MED1: variants seen among roughly 807,000 people sequenced by gnomAD.
MED1 encodes the protein mediator of RNA polymerase II transcription subunit 1.
In MED1, 17 loss-of-function variants were observed where a neutral mutation model predicts 121.3. The observed-to-expected ratio is 0.14, with a 90% CI of 0.10 to 0.21. MED1 has a LOEUF of 0.21. MED1 is among the 10% of genes least tolerant of loss of function. MED1 has a pLI of 1.00. For missense variants in MED1, 1,558 were observed against 1,919.4 expected (o/e 0.81, Z 3.52); for synonymous variants, 661 against 694.4 (o/e 0.95, Z 0.76).
At chr17:39,420,038 T>C in intron 13 of MED1, 120 bp from the exon 14 acceptor site, 1 of 728,946 alleles carries the variant, frequency 1.4e-6, no homozygotes, top group Non-Finnish European at 2.3e-6. Context: ...GTGAATGTTT[T>C]CATCAGCTGA....
At chr17:39,411,453 T>C (rs1229761934) in intron 16 of MED1, among the ~76,000 whole-genome samples, 1 of 151,068 alleles carries the variant, frequency 6.6e-6, no homozygotes, top group Non-Finnish European at 1.5e-5. Flanking sequence ...AAACCCTGTC[T>C]CTACTAAAAA....
intron 13 of MED1, among the ~76,000 whole-genome samples, 184 bp downstream of exon 13, chr17:39,423,143 G>A (rs2048483491): frequency 6.6e-6 from 1 of 152,030 alleles, no homozygotes; most frequent in Non-Finnish European, 1.5e-5. Context: ...GGGATTACAG[G>A]TGTGAGCCAC....
chr17:39,406,561 T>C lies in MED1; in HGVS notation c.*914A>G, dbSNP rs1393454163. The C allele has an allele frequency of 2.4e-6, 1 of 419,228 alleles. No homozygotes were observed. Among genetic ancestry groups the C allele is most frequent in the East Asian group, 1.6e-4 (1 of 6,390 alleles). The allele number at this position is 419,228 out of a possible 1,614,324, so 26.0% of individuals were successfully genotyped here. Reference sequence around the variant, plus strand: ...TACATCCCAACAAGCCACCTTAGCTTTTTTTTTTTTTTTTGAAAGGAAAAT... The same window carrying C: ...TACATCCCAACAAGCCACCTTAGCTCTTTTTTTTTTTTTTGAAAGGAAAAT... On this transcript the variant is annotated 3_prime_UTR_variant, in exon 17 of 17. Coordinates refer to ENST00000300651, the MANE Select transcript of MED1 (RefSeq NM_004774.4).
chr17:39,442,905 CAAAA>C (rs751236293), intron 3 of MED1, among the ~76,000 whole-genome samples: 2 of 17,360 alleles, frequency 1.2e-4, no homozygotes, highest in Non-Finnish European at 2.6e-4. Context: ...AACTCCATCT[CAAAA>C]AAAAAAAAAA....
intron 1 of MED1, among the ~76,000 whole-genome samples, chr17:39,450,361 GA>G (rs1345420666): frequency 6.6e-6 from 1 of 152,188 alleles, no homozygotes; most frequent in Non-Finnish European, 1.5e-5. Context: ...TTACGTGCCA[GA>G]AACTATACAA....
Position 39,427,795 on chromosome 17 carries a change from A to G in MED1, c.650-5T>C. ...ACTTCAGGTTCATTAAATGACCTAT[A>G]AAAAATAAAACTCATAACTGTATCT... On this transcript the variant is annotated splice_region_variant and splice_polypyrimidine_tract_variant and intron_variant, in intron 9 of 16. Coordinates refer to ENST00000300651, the MANE Select transcript of MED1 (RefSeq NM_004774.4). 6.5e-7 allele frequency: 1 copy of G among 1,547,854 alleles called. No homozygotes were observed. Among genetic ancestry groups the G allele is most frequent in the Non-Finnish European group, 8.9e-7 (1 of 1,126,546 alleles).
Position 39,408,104 on chromosome 17 carries a change from C to T in MED1, c.4117G>A (p.Asp1373Asn), listed in dbSNP as rs751590571. 3 of 1,614,180 alleles carry T rather than the reference C, an allele frequency of 1.9e-6. No homozygotes were observed. Among genetic ancestry groups the T allele is most frequent in the Non-Finnish European group, 2.5e-6 (3 of 1,180,046 alleles). Residue 1373 changes from aspartate to asparagine, a missense_variant, in exon 17 of 17, where the codon GAT becomes AAT. Around this residue, in one of 5 missense-constraint regions of MED1, gnomAD observed 264 missense variants for 326.1 expected, o/e 0.81. Transcript: ENST00000300651. The surrounding 1 kb of genome is among the most constrained non-coding windows in gnomAD (Gnocchi z 4.7). Reference sequence around the variant, plus strand: ...GACTCTGAGGTCTTCTTAGAAGAATCCACTGAACTCCCGGAGGTGGAAACC... The same window carrying T: ...GACTCTGAGGTCTTCTTAGAAGAATTCACTGAACTCCCGGAGGTGGAAACC... Reference protein sequence around the residue: ...SKVSTSGSSVDSSKKTSESKN... With the variant: ...SKVSTSGSSVNSSKKTSESKN...
At chr17:39,438,938 G>A (rs1468001855) in intron 6 of MED1, among the ~76,000 whole-genome samples, 1 of 152,166 alleles carries the variant, frequency 6.6e-6, no homozygotes. Flanking sequence ...AATAGAGCAA[G>A]ACTCCATCTC....
rs138671543 is a variant in MED1 at position 39,427,865 on chromosome 17, T to C, written c.650-75A>G. The C allele has an allele frequency of 2.6e-4, 234 of 888,876 alleles. 2 individuals are homozygous for C. The highest frequency in any genetic ancestry group is 2.4e-3 in the Admixed American group (91 of 38,148). The allele number at this position is 888,876 out of a possible 1,614,324, so 55.1% of individuals were successfully genotyped here. A position where few individuals can be genotyped will look rare whatever the true frequency, so the allele number is the denominator to read the frequency against. ...CACAGAAAAACATTAACATTTATTA[T>C]ATAAACCGATATTCAAGAAAGTACT... On this transcript the variant is annotated intron_variant, in intron 9 of 16. Transcript: ENST00000300651.
chr17:39,424,815 A>C, intron 10 of MED1, 77 bp from the exon 11 acceptor site: 4 of 830,742 alleles, frequency 4.8e-6, no homozygotes. Flanking sequence ...TAAGAGGTTA[A>C]TTTTTGCAAT....
intron 11 of MED1, among the ~76,000 whole-genome samples, chr17:39,424,400 G>A (rs1024005323): frequency 4.6e-5 from 7 of 152,240 alleles, no homozygotes; most frequent in African/African-American, 1.4e-4. Context: ...TTAAGCCAGA[G>A]GAATTAGCAC....
intron 1 of MED1, among the ~76,000 whole-genome samples, chr17:39,448,423 T>G (rs1351103478): frequency 6.6e-6 from 1 of 150,868 alleles, no homozygotes; most frequent in Non-Finnish European, 1.5e-5. Context: ...GTGCCTGTAG[T>G]CAGTCCCCAG....
At chr17:39,415,749 G>A (rs1254342416) in intron 14 of MED1, among the ~76,000 whole-genome samples, 5 of 150,530 alleles carry the variant, frequency 3.3e-5, no homozygotes, top group African/African-American at 4.9e-5. Context: ...CCTAGGAGGC[G>A]GAGGTTGTAG....
Position 39,424,683 on chromosome 17 carries a change from C to A in MED1, c.795G>T (p.Val265=), listed in dbSNP as rs146073566. Residue 265 remains valine (V), a synonymous_variant, in exon 11 of 17, where the codon GTG becomes GTT. Coordinates refer to ENST00000300651, the MANE Select transcript of MED1 (RefSeq NM_004774.4). ...ASVTIEGTSA[V]YKLPIAPLIM... ...TTAATGGTGCAATTGGGAGTTTGTA[C>A]ACAGCAGATGTTCCTTCAATTGTCA... The A allele has an allele frequency of 3.8e-5, 61 of 1,611,000 alleles. No individual in the cohort carries two copies. The highest frequency in any genetic ancestry group is 1.6e-4 in the Middle Eastern group (1 of 6,078).
In MED1 at chr17:39,407,752, G is replaced by A. The variant is rs1411822278; in HGVS notation, c.4469C>T (p.Pro1490Leu). ...CTTATGTTTCTCTGTGCTGTATTCT[G>A]GAAGTGGTCGGATACCATCGTCTGA... ...PSSDDGIRPLPEYSTEKHKKH... is the reference protein window; with the variant it reads ...PSSDDGIRPLLEYSTEKHKKH... Residue 1490 changes from proline (P) to leucine (L), a missense_variant, in exon 17 of 17, where the codon CCA becomes CTA. By Grantham distance (98) the Pro-to-Leu change is moderately conservative (BLOSUM62 -3). Transcript: ENST00000300651. 1.1e-5 allele frequency: 18 copies of A among 1,613,784 alleles called. No individual in the cohort carries two copies. The highest frequency in any genetic ancestry group is 1.5e-5 in the Non-Finnish European group (18 of 1,180,002).
At chr17:39,422,127 CAAA>C (rs34447753) in intron 13 of MED1, among the ~76,000 whole-genome samples, 15 of 130,088 alleles carry the variant, frequency 1.2e-4, no homozygotes, top group Non-Finnish European at 1.3e-4. Flanking sequence ...GACTCCGTCT[CAAA>C]AAAAAAAAAA....
Position 39,406,930 on chromosome 17 carries a change from G to A in MED1, c.*545C>T, listed in dbSNP as rs1278870477. 1.0e-6 allele frequency: 1 copy of A among 985,896 alleles called. No homozygotes were observed. Among genetic ancestry groups the A allele is most frequent in the Non-Finnish European group, 1.2e-6 (1 of 830,042 alleles). 61.1% of individuals were successfully genotyped at this position (985,896 alleles called of 1,614,324 possible). A position where few individuals can be genotyped will look rare whatever the true frequency, so the allele number is the denominator to read the frequency against. ...TCTTCCCTCCCCCAGTCACTCCTAA[G>A]AAACAGACACCAAACATTACTTAAG... On this transcript the variant is annotated 3_prime_UTR_variant, in exon 17 of 17. Transcript: ENST00000300651.
At chr17:39,441,468 C>T (rs1330950923) in intron 3 of MED1, among the ~76,000 whole-genome samples, 1 of 152,146 alleles carries the variant, frequency 6.6e-6, no homozygotes, top group Non-Finnish European at 1.5e-5. Flanking sequence ...CTATATTTTA[C>T]CACAATTAAA....
At chr17:39,411,440 G>C (rs2048354753) in intron 16 of MED1, among the ~76,000 whole-genome samples, 3 of 151,874 alleles carry the variant, frequency 2.0e-5, no homozygotes, top group South Asian at 4.2e-4. Context: ...GGCCAGCGGG[G>C]TGAAACCCTG....
Sources: allele counts gnomAD v4.1 joint callset (sites outside exome capture counted in the v4.1 genomes callset), GRCh38; gene constraint gnomAD v4.1.1; regional missense constraint gnomAD v4.1.1; non-coding constraint Gnocchi (gnomAD v3.1); transcripts MANE v1.5; gene names NCBI Gene and HGNC (gene_info 2026-07-23, HGNC 2026-07-21).